PDZK1: variants seen among roughly 807,000 people sequenced by gnomAD.
The protein encoded by PDZK1 is Na(+)/H(+) exchange regulatory cofactor NHE-RF3.
A neutral mutation model predicts 38.1 loss-of-function variants in PDZK1; 23 were observed. The observed-to-expected ratio is 0.60, with a 90% confidence interval of 0.43 to 0.85. The LOEUF is 0.85. Among genes scored for constraint, PDZK1 ranks in the 40% least tolerant of loss-of-function variants. The pLI, the probability that PDZK1 is intolerant of heterozygous loss-of-function variation, is 0.00. For synonymous variants in PDZK1, 98 were observed against 186.2 expected, an observed-to-expected ratio of 0.53 and a Z score of 3.86; for missense variants, 297 against 504.3, an observed-to-expected ratio of 0.59 and a Z score of 3.94.
intron 1 of PDZK1, 124 bp from the exon 2 acceptor site, chr1:145,688,147 A>T (rs1654957955): frequency 1.2e-6 from 1 of 818,830 alleles, no homozygotes; most frequent in Non-Finnish European, 2.0e-6. Flanking sequence ...CTTGGGTAGT[A>T]ATGCTGGGGG....
At chr1:145,700,277 A>C (rs1655886892) in intron 1 of PDZK1, among the ~76,000 whole-genome samples, 1 of 152,212 alleles carries the variant, frequency 6.6e-6, no homozygotes, top group South Asian at 2.1e-4. Flanking sequence ...GTATCCTGTA[A>C]GTCTAAAAGC....
At position 145,682,645 on chromosome 1, in the gene PDZK1, G is replaced by A. The variant is rs782554616; in HGVS notation, c.461-9C>T. ...GTACACCCCCTTTTTACCTGGAAGAGAGTAGGGGTAAACTCCATGTGGAGA... is the reference window on the plus strand; with the variant it reads ...GTACACCCCCTTTTTACCTGGAAGAAAGTAGGGGTAAACTCCATGTGGAGA... On this transcript the variant is annotated splice_polypyrimidine_tract_variant and intron_variant, in intron 3 of 8. Coordinates refer to ENST00000417171, the MANE Select transcript of PDZK1 (RefSeq NM_001201325.2). 8 of 1,611,996 alleles carry A rather than the reference G, an allele frequency of 5.0e-6. No individual in the cohort carries two copies. In the Admixed American group the frequency reaches 1.3e-4, roughly 27 times the overall value.
intron 8 of PDZK1, among the ~76,000 whole-genome samples, chr1:145,671,987 T>C (rs1361665954): frequency 6.6e-6 from 1 of 151,910 alleles, no homozygotes; most frequent in Non-Finnish European, 1.5e-5. Flanking sequence ...AGAATTAATA[T>C]AATGGAAAGA....
intron 1 of PDZK1, 27 bp downstream of exon 1, chr1:145,707,290 C>T (rs1656298854): frequency 6.6e-6 from 1 of 152,418 alleles, no homozygotes; most frequent in Admixed American, 6.5e-5. Context: ...GGCCAGCACC[C>T]TCAAGGAGGA....
At chr1:145,706,826 G>A (rs587682792) in intron 1 of PDZK1, among the ~76,000 whole-genome samples, 232 of 152,038 alleles carry the variant, frequency 1.5e-3, no homozygotes, top group Non-Finnish European at 2.6e-3. Context: ...TCTTAGTGCT[G>A]CAGTGTGATA....
rs587662891 is a variant in PDZK1 at position 145,693,490 on chromosome 1, C to T, written c.-2-5467G>A. Reference sequence around the variant, plus strand: ...AGAGCTTAAAAATCACCCTAGGTGCCGGGCGCGGTGGCTCACGCCTGTAAT... The same window carrying T: ...AGAGCTTAAAAATCACCCTAGGTGCTGGGCGCGGTGGCTCACGCCTGTAAT... On this transcript the variant is annotated intron_variant, in intron 1 of 8. Transcript: ENST00000417171. Among the ~76,000 whole-genome samples, 122 of 151,884 alleles carry T rather than the reference C, an allele frequency of 8.0e-4. 1 individual carries two copies. The South Asian group carries it at 0.013, about 16-fold the overall frequency.
chr1:145,680,105 T>C (rs1654085274), intron 5 of PDZK1, among the ~76,000 whole-genome samples: 1 of 152,126 alleles, frequency 6.6e-6, no homozygotes, highest in African/African-American at 2.4e-5. Context: ...CGTTGAATTA[T>C]CACAGTGCTT....
chr1:145,706,914 AAG>A (rs1406295819), intron 1 of PDZK1, among the ~76,000 whole-genome samples: 2 of 152,008 alleles, frequency 1.3e-5, no homozygotes, highest in African/African-American at 2.4e-5. Context: ...CTGCTTCCAG[AAG>A]AGTCTTCTCT....
At chr1:145,707,146 C>G (rs1410391547) in intron 1 of PDZK1, among the ~76,000 whole-genome samples, 171 bp downstream of exon 1, 2 of 152,086 alleles carry the variant, frequency 1.3e-5, no homozygotes, top group African/African-American at 4.8e-5. Context: ...CGTGGATCAT[C>G]TCTCACCCCC....
At chr1:145,680,580 A>T (rs1490399400) in intron 5 of PDZK1, among the ~76,000 whole-genome samples, 1 of 152,130 alleles carries the variant, frequency 6.6e-6, no homozygotes, top group Non-Finnish European at 1.5e-5. Flanking sequence ...TTGAAACTGG[A>T]CATGGGAGGA....
intron 3 of PDZK1, among the ~76,000 whole-genome samples, chr1:145,683,781 A>T (rs1396441518): frequency 6.6e-6 from 1 of 152,022 alleles, no homozygotes; most frequent in Admixed American, 6.6e-5. Flanking sequence ...CAACCTCAGC[A>T]TACAGTATTT....
intron 6 of PDZK1, chr1:145,676,191 G>C: frequency 2.0e-6 from 2 of 984,512 alleles, no homozygotes; most frequent in Non-Finnish European, 2.4e-6. Context: ...ATGAGGGCAG[G>C]CTTCTTTTTC....
At chr1:145,676,288 A>T (rs1653660022) in intron 6 of PDZK1, 1 of 309,988 alleles carries the variant, frequency 3.2e-6, no homozygotes, top group Non-Finnish European at 4.7e-6. Flanking sequence ...TCCCCTTTAC[A>T]ACAAACAGCT....
intron 1 of PDZK1, 43 bp from the exon 2 acceptor site, chr1:145,688,066 A>C: frequency 4.7e-5 from 69 of 1,474,600 alleles, no homozygotes; most frequent in Non-Finnish European, 6.4e-5. Context: ...GGAAAAGAGA[A>C]TCTAATTGGA....
At chr1:145,681,579 C>T (rs1190686354) in intron 4 of PDZK1, among the ~76,000 whole-genome samples, 9 of 144,492 alleles carry the variant, frequency 6.2e-5, no homozygotes, top group Admixed American at 2.0e-4. Flanking sequence ...TGAGCCACCG[C>T]GCCCGGCCCC....
chr1:145,694,639 C>A (rs1429878594), intron 1 of PDZK1, among the ~76,000 whole-genome samples: 4 of 151,896 alleles, frequency 2.6e-5, no homozygotes, highest in Admixed American at 2.0e-4. Flanking sequence ...TGGCTCACAC[C>A]TGTAATCCCA....
chr1:145,676,971 T>C (rs1653742745), intron 6 of PDZK1, among the ~76,000 whole-genome samples: 1 of 152,110 alleles, frequency 6.6e-6, no homozygotes, highest in African/African-American at 2.4e-5. Flanking sequence ...ATATTCCAAT[T>C]CAACCCTCAT....
At chr1:145,701,884 G>T (rs587664911) in intron 1 of PDZK1, among the ~76,000 whole-genome samples, 1 of 152,214 alleles carries the variant, frequency 6.6e-6, no homozygotes, top group East Asian at 1.9e-4. Context: ...CATATTTAAG[G>T]CTGCCTGGAT....
At chr1:145,687,291 G>A (rs1654862739) in intron 2 of PDZK1, among the ~76,000 whole-genome samples, 3 of 151,536 alleles carry the variant, frequency 2.0e-5, no homozygotes, top group South Asian at 2.1e-4. Flanking sequence ...AGGCCGAAGC[G>A]GGCGGATCAC....
Sources: gnomAD v4.1 joint callset for allele counts (sites outside exome capture counted in the v4.1 genomes callset) on GRCh38, gnomAD v4.1.1 for gene constraint, MANE v1.5 for transcripts, NCBI Gene and HGNC (gene_info 2026-07-23, HGNC 2026-07-21) for gene names.